MLANA: variants seen among roughly 807,000 people sequenced by gnomAD.
MLANA encodes melan-A.
MLANA carries 21 observed loss-of-function variants against 15.7 expected under a neutral mutation model. The observed-to-expected ratio is 1.33, with a 90% CI of 0.95 to 1.92. MLANA has a LOEUF of 1.92. Ranked by LOEUF, MLANA falls within the 40% of genes most tolerant of loss-of-function variation. MLANA has a pLI of 0.00. For missense variants in MLANA, 164 were observed against 143.8 expected, an observed-to-expected ratio of 1.14 and a Z score of -0.72; for synonymous variants, 56 against 51.5, an observed-to-expected ratio of 1.09 and a Z score of -0.37.
At position 5,894,135 on chromosome 9, in the gene MLANA, ATC is replaced by A. The variant is rs1452487568; in HGVS notation, c.77+1589_77+1590del. ...ACGAGAGGCTAGGGCAGAGGTCAGT[ATC>A]TCTCAGTGTGAAGCTGGAGGCTGAT... On this transcript the variant is annotated intron_variant, in intron 2 of 4. Transcript: ENST00000381477. This position sits in a 1 kb window ranked among gnomAD's most constrained non-coding sequence, Gnocchi z 4.0. Among the ~76,000 whole-genome samples, 1 of 152,116 alleles carries A rather than the reference ATC, an allele frequency of 6.6e-6. No homozygotes were observed. Among genetic ancestry groups the A allele is most frequent in the Non-Finnish European group, 1.5e-5 (1 of 68,028 alleles).
intron 2 of MLANA, among the ~76,000 whole-genome samples, chr9:5,896,680 T>A (rs1235218131): frequency 1.3e-5 from 2 of 152,202 alleles, no homozygotes; most frequent in African/African-American, 4.8e-5. Flanking sequence ...AGGCAGATGT[T>A]AGCTAATTGA....
At chr9:5,897,801 A>G in intron 3 of MLANA, 148 bp downstream of exon 3, 1 of 715,234 alleles carries the variant, frequency 1.4e-6, no homozygotes, top group Non-Finnish European at 2.5e-6. Flanking sequence ...GCTACATTGT[A>G]CTTTGGCAAC....
chr9:5,893,521 G>T (rs1378367526), intron 2 of MLANA, among the ~76,000 whole-genome samples: 1 of 152,154 alleles, frequency 6.6e-6, no homozygotes, highest in Admixed American at 6.5e-5. Context: ...CCTGGTATAG[G>T]ATCCTCTAAT....
At chr9:5,907,241 G>A in intron 4 of MLANA, 1 of 267,368 alleles carries the variant, frequency 3.7e-6, no homozygotes, top group Non-Finnish European at 6.9e-6. Context: ...CATACCCAGT[G>A]TTTCCAGGGT....
At chr9:5,895,505 T>C (rs1211590639) in intron 2 of MLANA, among the ~76,000 whole-genome samples, 1 of 151,828 alleles carries the variant, frequency 6.6e-6, no homozygotes, top group Non-Finnish European at 1.5e-5. Context: ...TGCCAGCAGG[T>C]GGAATGAAGA....
At chr9:5,896,634 A>G (rs1832039546) in intron 2 of MLANA, among the ~76,000 whole-genome samples, 1 of 152,216 alleles carries the variant, frequency 6.6e-6, no homozygotes. Flanking sequence ...CACAGATAAC[A>G]GAGTCAGTTC....
In MLANA at chr9:5,906,952, A is replaced by T. The variant is rs200480857; in HGVS notation, c.242A>T (p.His81Leu). The change falls in exon 4 of 5, where the codon CAT becomes CTT. Residue 81 changes from histidine (H) to leucine (L), a missense_variant. Transcript: ENST00000381477. Reference protein sequence around the residue: ...TRRCPQEGFDHRDSKVSLQEK... With the variant: ...TRRCPQEGFDLRDSKVSLQEK... ...AGATGCCCACAAGAAGGGTTTGATC[A>T]TCGGGACAGCAAAGTGTCTCTTCAA... is the stretch of plus-strand genomic sequence containing the variant. 4.4e-4 allele frequency: 705 copies of T among 1,600,914 alleles called. 1 individual carries two copies. The highest frequency in any genetic ancestry group is 1.1e-3 in the South Asian group (96 of 89,102).
intron 2 of MLANA, among the ~76,000 whole-genome samples, chr9:5,893,674 A>G (rs1024122756): frequency 3.9e-5 from 6 of 152,206 alleles, no homozygotes; most frequent in African/African-American, 4.8e-5. Context: ...ATCACTCAAC[A>G]GACTCTTTAA....
At chr9:5,906,833 T>G (rs1002872198) in intron 3 of MLANA, 52 bp from the exon 4 acceptor site, 1 of 1,209,270 alleles carries the variant, frequency 8.3e-7, no homozygotes, top group African/African-American at 1.6e-5. Flanking sequence ...TTTTCTTTAA[T>G]GGATTCAGTT....
intron 2 of MLANA, among the ~76,000 whole-genome samples, chr9:5,896,186 C>A (rs1832003309): frequency 6.6e-6 from 1 of 152,208 alleles, no homozygotes; most frequent in South Asian, 2.1e-4. Flanking sequence ...ACTTGACCAG[C>A]ATAATGTCAG....
intron 3 of MLANA, among the ~76,000 whole-genome samples, chr9:5,904,562 T>C (rs1832673790): frequency 6.6e-6 from 1 of 152,128 alleles, no homozygotes; most frequent in Non-Finnish European, 1.5e-5. Flanking sequence ...CACCTCTGCC[T>C]CCCAGGTTCA....
intron 3 of MLANA, among the ~76,000 whole-genome samples, chr9:5,902,096 C>T (rs1832466372): frequency 6.6e-6 from 1 of 152,116 alleles, no homozygotes; most frequent in African/African-American, 2.4e-5. Flanking sequence ...TAATATCTTT[C>T]TTAAATGTTT....
At chr9:5,904,958 A>C (rs1305776792) in intron 3 of MLANA, among the ~76,000 whole-genome samples, 1 of 151,666 alleles carries the variant, frequency 6.6e-6, no homozygotes, top group African/African-American at 2.4e-5. Context: ...TATTTATAGT[A>C]GAGATGTCAT....
chr9:5,893,198 C>T (rs1286595494), intron 2 of MLANA, among the ~76,000 whole-genome samples: 1 of 152,174 alleles, frequency 6.6e-6, no homozygotes, highest in East Asian at 1.9e-4. Context: ...AGATTAATTT[C>T]AGCAAATGTA....
chr9:5,901,093 A>G (rs1017451794), intron 3 of MLANA, among the ~76,000 whole-genome samples: 1 of 152,106 alleles, frequency 6.6e-6, no homozygotes, highest in Non-Finnish European at 1.5e-5. Flanking sequence ...GAACCGGTAG[A>G]GTGGATCATA....
At chr9:5,906,021 T>G (rs1488566725) in intron 3 of MLANA, among the ~76,000 whole-genome samples, 1 of 152,124 alleles carries the variant, frequency 6.6e-6, no homozygotes, top group East Asian at 1.9e-4. Context: ...CTATTATTCA[T>G]TTTTGAACAA....
At chr9:5,893,405 C>A (rs550019556) in intron 2 of MLANA, among the ~76,000 whole-genome samples, 1 of 152,198 alleles carries the variant, frequency 6.6e-6, no homozygotes, top group African/African-American at 2.4e-5. Flanking sequence ...TTGGAAAGAG[C>A]TGTTGAACAA....
intron 4 of MLANA, 34 bp downstream of exon 4, chr9:5,907,032 G>A: frequency 5.1e-6 from 7 of 1,373,916 alleles, no homozygotes; most frequent in Non-Finnish European, 7.0e-6. Context: ...GTATTTTCAT[G>A]AATGGCTGTT....
At chr9:5,891,562 C>A (rs1762524699) in intron 1 of MLANA, among the ~76,000 whole-genome samples, 1 of 152,108 alleles carries the variant, frequency 6.6e-6, no homozygotes, top group South Asian at 2.1e-4. Context: ...GGGGATCACA[C>A]CTTTGAAATT....
Sources: allele counts gnomAD v4.1 joint callset (sites outside exome capture counted in the v4.1 genomes callset), GRCh38; gene constraint gnomAD v4.1.1; non-coding constraint Gnocchi (gnomAD v3.1); transcripts MANE v1.5; gene names NCBI Gene and HGNC (gene_info 2026-07-23, HGNC 2026-07-21).